TRIM67: variants seen among roughly 807,000 people sequenced by gnomAD.
TRIM67 encodes tripartite motif containing 67, also known as tripartite motif-containing protein 67.
In TRIM67, 39 loss-of-function variants were observed where a neutral mutation model predicts 71.0. The ratio of observed to expected loss-of-function variants is 0.55; its 90% CI spans 0.43 to 0.72. The LOEUF is 0.72. TRIM67 is among the 30% of genes least tolerant of loss of function. The probability of loss-of-function intolerance (pLI) is 0.00; values close to 1 mark genes in which losing one functional copy is unlikely to be tolerated. For missense variants in TRIM67, 973 were observed against 1,079.2 expected, an observed-to-expected ratio of 0.90 and a Z score of 1.38; for synonymous variants, 481 against 473.9, an observed-to-expected ratio of 1.01 and a Z score of -0.19.
At chr1:231,200,043 G>A (rs1045746861) in intron 3 of TRIM67, 105 bp from the exon 4 acceptor site, 12 of 806,692 alleles carry the variant, frequency 1.5e-5, no homozygotes, top group East Asian at 2.5e-5. Context: ...CCAGGCCAGC[G>A]CCGCCTCTTC....
chr1:231,170,749 A>G (rs755176463), intron 1 of TRIM67, among the ~76,000 whole-genome samples: 2 of 152,184 alleles, frequency 1.3e-5, no homozygotes, highest in African/African-American at 2.4e-5. Flanking sequence ...TCATTTATTT[A>G]CTATTGCTAA....
Position 231,220,032 on chromosome 1 carries a change from T to C in TRIM67, c.*4592T>C. 9.0e-7 allele frequency: 1 copy of C among 1,111,592 alleles called. No individual in the cohort carries two copies. The highest frequency in any genetic ancestry group is 1.6e-5 in the African/African-American group (1 of 62,184). 68.9% of individuals were successfully genotyped at this position (1,111,592 alleles called of 1,614,324 possible). On this transcript the variant is annotated 3_prime_UTR_variant, in exon 10 of 10. Coordinates refer to ENST00000366653, the MANE Select transcript of TRIM67 (RefSeq NM_001004342.5). ...TGTGCCTCAGTATCCCCACCTGAAATGAGACTAGTCATACTAACCTACCTC... is the reference window on the plus strand; with the variant it reads ...TGTGCCTCAGTATCCCCACCTGAAACGAGACTAGTCATACTAACCTACCTC...
intron 7 of TRIM67, among the ~76,000 whole-genome samples, 159 bp downstream of exon 7, chr1:231,206,949 C>T (rs1197275021): frequency 4.6e-5 from 7 of 152,208 alleles, no homozygotes; most frequent in East Asian, 3.9e-4. Context: ...GGACCACAGG[C>T]GGGCTCCCAA....
Position 231,219,837 on chromosome 1 carries a change from CA to C in TRIM67, c.*4400del, listed in dbSNP as rs1417065077. On this transcript the variant is annotated 3_prime_UTR_variant, in exon 10 of 10. Coordinates refer to ENST00000366653, the MANE Select transcript of TRIM67 (RefSeq NM_001004342.5). ...TCTTTGGCAGTTCCTCCCAGAAGAT[CA>C]AAGGATCCTGCAGCTTTAACCTAAT... 1 of 1,286,484 alleles carries C rather than the reference CA, an allele frequency of 7.8e-7. No individual in the cohort carries two copies. Among genetic ancestry groups the C allele is most frequent in the Non-Finnish European group, 1.0e-6 (1 of 986,906 alleles). 79.7% of individuals were successfully genotyped at this position (1,286,484 alleles called of 1,614,324 possible). A position where few individuals can be genotyped will look rare whatever the true frequency, so the allele number is the denominator to read the frequency against.
intron 1 of TRIM67, among the ~76,000 whole-genome samples, chr1:231,179,005 G>A (rs1159216411): frequency 6.6e-6 from 1 of 152,232 alleles, no homozygotes; most frequent in Non-Finnish European, 1.5e-5. Flanking sequence ...GAATATATAT[G>A]TAAGGGTATG....
In TRIM67 at chr1:231,210,653, A is replaced by C. The variant is rs376126299; in HGVS notation, c.2123+1403A>C. ...AACAAGAAGCATTTATCAAACCCTT[A>C]CTTGTGCTCAATGCTGTAGGAAGCA... On this transcript the variant is annotated intron_variant, in intron 8 of 9. Transcript: ENST00000366653. Among the ~76,000 whole-genome samples, 16 of 151,842 alleles carry C rather than the reference A, an allele frequency of 1.1e-4. No homozygotes were observed. In the South Asian group the frequency reaches 3.3e-3, roughly 32 times the overall value.
chr1:231,190,684 T>C (rs1347352979), intron 1 of TRIM67, among the ~76,000 whole-genome samples: 1 of 152,142 alleles, frequency 6.6e-6, no homozygotes, highest in African/African-American at 2.4e-5. Context: ...CAATCCCTCA[T>C]GCTGCATGGA....
Position 231,215,460 on chromosome 1 carries a change from T to C in TRIM67, c.*20T>C, listed in dbSNP as rs1683992312. On this transcript the variant is annotated 3_prime_UTR_variant, in exon 10 of 10. Coordinates refer to ENST00000366653, the MANE Select transcript of TRIM67 (RefSeq NM_001004342.5). The stretch of plus-strand genomic sequence containing the variant: ...AATTAGCCCCGCTCCAGCTCGGCAC[T>C]GTGCCTGTGACAGTGACATTCACAG... 2 of 1,585,054 alleles carry C rather than the reference T, an allele frequency of 1.3e-6. No individual in the cohort carries two copies. The highest frequency in any genetic ancestry group is 8.6e-7 in the Non-Finnish European group (1 of 1,163,274).
intron 7 of TRIM67, among the ~76,000 whole-genome samples, chr1:231,207,865 G>T (rs1002942039): frequency 1.3e-5 from 2 of 152,192 alleles, no homozygotes; most frequent in African/African-American, 4.8e-5. Context: ...TCAACCTGGG[G>T]GGTTGGGGAG....
At chr1:231,201,565 G>A (rs777391645) in intron 5 of TRIM67, 48 bp downstream of exon 5, 1 of 1,589,992 alleles carries the variant, frequency 6.3e-7, no homozygotes, top group Non-Finnish European at 8.6e-7. Flanking sequence ...TTCAAAAGAG[G>A]CATGCAGTCT....
intron 6 of TRIM67, among the ~76,000 whole-genome samples, chr1:231,204,550 A>T (rs1265009249): frequency 6.6e-6 from 1 of 152,126 alleles, no homozygotes; most frequent in African/African-American, 2.4e-5. Context: ...CCAGAAATGC[A>T]TCTTCTACTC....
chr1:231,197,654 G>A (rs565592657), intron 2 of TRIM67, among the ~76,000 whole-genome samples, 188 bp downstream of exon 2: 7 of 152,240 alleles, frequency 4.6e-5, no homozygotes, highest in Non-Finnish European at 8.8e-5. Context: ...GGAGAAACCC[G>A]TCTCTACTAA....
intron 6 of TRIM67, among the ~76,000 whole-genome samples, chr1:231,205,290 T>A (rs995872080): frequency 6.6e-6 from 1 of 152,220 alleles, no homozygotes; most frequent in Admixed American, 6.5e-5. Flanking sequence ...GGCTCCTATA[T>A]GGATTAGCTG....
intron 1 of TRIM67, among the ~76,000 whole-genome samples, chr1:231,164,458 G>T (rs1682395501): frequency 1.3e-5 from 2 of 152,124 alleles, no homozygotes; most frequent in Non-Finnish European, 1.5e-5. Flanking sequence ...AGAAAGAGAG[G>T]AGCCATCAAA....
chr1:231,216,684 T>C lies in TRIM67; in HGVS notation c.*1244T>C. The C allele has an allele frequency of 1.0e-6, 1 of 985,526 alleles. No homozygotes were observed. The highest frequency in any genetic ancestry group is 5.2e-4 in the Middle Eastern group (1 of 1,916). 61.0% of individuals were successfully genotyped at this position (985,526 alleles called of 1,614,324 possible). Reference sequence around the variant, plus strand: ...AGTATCAGGTACCTTGTCTCCCAGCTTCCCACTGTGAGACTGGGTGTGCCG... The same window carrying C: ...AGTATCAGGTACCTTGTCTCCCAGCCTCCCACTGTGAGACTGGGTGTGCCG... On this transcript the variant is annotated 3_prime_UTR_variant, in exon 10 of 10. Transcript: ENST00000366653.
chr1:231,167,209 A>C (rs949728357), intron 1 of TRIM67, among the ~76,000 whole-genome samples: 1 of 151,726 alleles, frequency 6.6e-6, no homozygotes, highest in African/African-American at 2.4e-5. Context: ...AGAAAATCTC[A>C]CTGATACTCC....
At chr1:231,190,147 A>G (rs1333178801) in intron 1 of TRIM67, among the ~76,000 whole-genome samples, 1 of 152,188 alleles carries the variant, frequency 6.6e-6, no homozygotes, top group Non-Finnish European at 1.5e-5. Context: ...GGATTCAGGG[A>G]AAGGCAGATC....
At chr1:231,210,842 C>A (rs368456019) in intron 8 of TRIM67, among the ~76,000 whole-genome samples, 1 of 151,428 alleles carries the variant, frequency 6.6e-6, no homozygotes, top group South Asian at 2.1e-4. Flanking sequence ...GTGTTTGAGA[C>A]CAGCCTGGGC....
Position 231,163,580 on chromosome 1 carries a change from C to T in TRIM67, c.611C>T (p.Ala204Val), listed in dbSNP as rs1357084083. The change falls in exon 1 of 10, where the codon GCG (alanine) becomes GTG (valine). Residue 204 changes from alanine to valine, a missense_variant. Around this residue, in one of 2 missense-constraint regions of TRIM67, gnomAD observed 795 missense variants for 831.3 expected, o/e 0.96. Transcript: ENST00000366653. Reference sequence around the variant, plus strand: ...GTGCCGGGGACGTCTGCAGCCGCGGCGGTGGCCATCTGCCAGCTGTGCGAC... The same window carrying T: ...GTGCCGGGGACGTCTGCAGCCGCGGTGGTGGCCATCTGCCAGCTGTGCGAC... ...GAVPGTSAAA[A>V]VAICQLCDRT... 1 of 1,514,812 alleles carries T rather than the reference C, an allele frequency of 6.6e-7. No homozygotes were observed. The highest frequency in any genetic ancestry group is 8.8e-7 in the Non-Finnish European group (1 of 1,136,792). The allele number at this position is 1,514,812 out of a possible 1,614,324, so 93.8% of individuals were successfully genotyped here.
Sources: gnomAD v4.1 joint callset for allele counts (sites outside exome capture counted in the v4.1 genomes callset) on GRCh38, gnomAD v4.1.1 for gene constraint, gnomAD v4.1.1 regional missense constraint, MANE v1.5 for transcripts, NCBI Gene and HGNC (gene_info 2026-07-23, HGNC 2026-07-21) for gene names.